Variants in MTCL2 observed in about 807,000 individuals in gnomAD.
MTCL2 encodes the protein microtubule cross-linking factor 2.
the MTCL2 span, among the ~76,000 whole-genome samples, chr20:36,858,463 AACACACACACACACACACACACACAC>A: frequency 0.01 from 262 of 25,744 alleles, 4 homozygotes; most frequent in Admixed American, 0.016. Context: ...AAGGAGGGAA[AACACACACACACACACACACACACAC>A]ACACACACAC....
At chr20:36,844,847 C>A in the MTCL2 span, among the ~76,000 whole-genome samples, 1 of 151,854 alleles carries the variant, frequency 6.6e-6, no homozygotes, top group Non-Finnish European at 1.5e-5. Flanking sequence ...TTGGTGAAAC[C>A]CTGTCTTTAC....
At chr20:36,837,487 C>G in the MTCL2 span, among the ~76,000 whole-genome samples, 1 of 152,034 alleles carries the variant, frequency 6.6e-6, no homozygotes, top group East Asian at 1.9e-4. Flanking sequence ...GATTCTTCAT[C>G]AAGAAAATGG....
chr20:36,817,189 C>A, the MTCL2 span, among the ~76,000 whole-genome samples: 3 of 149,664 alleles, frequency 2.0e-5, no homozygotes, highest in Admixed American at 2.0e-4. Context: ...ATTGCTTGAA[C>A]CTGGGAGGTA....
the MTCL2 span, chr20:36,805,744 G>C: frequency 1.0e-6 from 1 of 978,792 alleles, no homozygotes; most frequent in Non-Finnish European, 1.5e-6. Context: ...GCAATAACTT[G>C]CAACTTCAAT....
chr20:36,778,372 T>G, the MTCL2 span: 2 of 152,392 alleles, frequency 1.3e-5, no homozygotes, highest in East Asian at 3.9e-4. Flanking sequence ...AACCCCAGCT[T>G]GTAGGGCCCC....
chr20:36,797,091 G>C, the MTCL2 span: 3 of 791,156 alleles, frequency 3.8e-6, no homozygotes, highest in Admixed American at 4.2e-5. Context: ...GATCTAGCAT[G>C]GTCAGTTTCT....
chr20:36,825,852 G>A, the MTCL2 span, among the ~76,000 whole-genome samples: 147,060 of 152,278 alleles, frequency 0.97, 71,212 homozygotes, highest in East Asian at 1. Flanking sequence ...CACAGGGCAC[G>A]CGAGGAGAGC....
chr20:36,841,533 G>A, the MTCL2 span, among the ~76,000 whole-genome samples: 1 of 152,106 alleles, frequency 6.6e-6, no homozygotes, highest in Admixed American at 6.6e-5. Context: ...ATTCCAGGCA[G>A]AGGGAACAGT....
the MTCL2 span, among the ~76,000 whole-genome samples, chr20:36,825,736 C>T: frequency 6.6e-6 from 1 of 152,194 alleles, no homozygotes; most frequent in Non-Finnish European, 1.5e-5. Flanking sequence ...TGCTCAGGGA[C>T]CCTCGTCTCC....
the MTCL2 span, among the ~76,000 whole-genome samples, chr20:36,841,876 T>TGG: frequency 8.5e-3 from 541 of 63,380 alleles, 7 homozygotes; most frequent in Middle Eastern, 0.085. Flanking sequence ...GGGGGTGGGG[T>TGG]GTGTGTGTGT....
chr20:36,785,921 C>A, the MTCL2 span: 1 of 987,224 alleles, frequency 1.0e-6, no homozygotes. Context: ...TCCCAGCAAT[C>A]TAGAGCAGTG....
chr20:36,787,958 T>G, the MTCL2 span, among the ~76,000 whole-genome samples: 4 of 148,248 alleles, frequency 2.7e-5, no homozygotes, highest in Non-Finnish European at 5.9e-5. Context: ...GCCAGCACTT[T>G]GGGAGGCTAT....
the MTCL2 span, chr20:36,809,963 A>G: frequency 1.3e-6 from 2 of 1,592,524 alleles, no homozygotes; most frequent in African/African-American, 1.3e-5. Flanking sequence ...CTGCCTGGAA[A>G]GCGCTGGGCA....
chr20:36,838,868 TG>T, the MTCL2 span, among the ~76,000 whole-genome samples: 1 of 151,918 alleles, frequency 6.6e-6, no homozygotes, highest in Non-Finnish European at 1.5e-5. Context: ...CTTGGGAGGC[TG>T]AGGCAAGAGA....
the MTCL2 span, among the ~76,000 whole-genome samples, chr20:36,822,608 T>C: frequency 5.9e-5 from 9 of 152,334 alleles, no homozygotes; most frequent in African/African-American, 2.2e-4. Flanking sequence ...TGCCCCACTT[T>C]GGCCAAGAAA....
chr20:36,802,748 G>T, the MTCL2 span: 4 of 1,357,040 alleles, frequency 2.9e-6, no homozygotes, highest in Non-Finnish European at 3.0e-6. Flanking sequence ...AGACCTCACT[G>T]GATGAGCACC....
At chr20:36,858,859 C>T in the MTCL2 span, among the ~76,000 whole-genome samples, 1 of 152,110 alleles carries the variant, frequency 6.6e-6, no homozygotes, top group Non-Finnish European at 1.5e-5. Context: ...GGCGCCATCT[C>T]GGATCACTGC....
the MTCL2 span, among the ~76,000 whole-genome samples, chr20:36,853,702 G>GGTGT: frequency 0.011 from 1,642 of 143,908 alleles, 10 homozygotes; most frequent in Non-Finnish European, 0.015. Context: ...ATCAGGGAGG[G>GGTGT]GTGTGTGTGT....
At chr20:36,815,191 G>T in the MTCL2 span, 14 of 1,613,622 alleles carry the variant, frequency 8.7e-6, no homozygotes, top group South Asian at 6.6e-5. The surrounding 1 kb of genome is among the most constrained non-coding windows in gnomAD (Gnocchi z 5.3). Flanking sequence ...GAGCCCAAGG[G>T]GGGCAGTGAT....
Sources: gnomAD v4.1 joint callset for allele counts (sites outside exome capture counted in the v4.1 genomes callset) on GRCh38, gnomAD v4.1.1 for gene constraint, Gnocchi (gnomAD v3.1) non-coding constraint, MANE v1.5 for transcripts, NCBI Gene and HGNC (gene_info 2026-07-23, HGNC 2026-07-21) for gene names.